The following SIL1 variants were observed in gnomAD, a reference collection of about 807,000 sequenced individuals.
The protein encoded by SIL1 is nucleotide exchange factor SIL1.
In SIL1, 40 loss-of-function variants were observed where a neutral mutation model predicts 49.1. That is an observed-to-expected ratio of 0.81 (90% CI 0.63 to 1.06). The LOEUF (loss-of-function observed/expected upper bound fraction) is 1.06. SIL1 is among the 50% of genes least tolerant of loss of function. The probability of loss-of-function intolerance (pLI) is 0.00; values close to 1 mark genes in which losing one functional copy is unlikely to be tolerated. For synonymous variants in SIL1, 253 were observed against 250.8 expected, an observed-to-expected ratio of 1.01 and a Z score of -0.08; for missense variants, 500 against 572.6, an observed-to-expected ratio of 0.87 and a Z score of 1.29.
chr5:139,139,326 G>A (rs1341187739), intron 1 of SIL1, among the ~76,000 whole-genome samples: 1 of 152,208 alleles, frequency 6.6e-6, no homozygotes, highest in African/African-American at 2.4e-5. Flanking sequence ...GGGGAGGAGA[G>A]ATCAGAATTC....
intron 3 of SIL1, among the ~76,000 whole-genome samples, chr5:139,075,489 T>TA (rs1323293310): frequency 1.3e-5 from 2 of 152,148 alleles, no homozygotes; most frequent in East Asian, 3.8e-4. Flanking sequence ...CTACTCCTAC[T>TA]AACTATGCAA....
intron 1 of SIL1, among the ~76,000 whole-genome samples, chr5:139,175,230 G>A (rs748378423): frequency 3.3e-5 from 5 of 152,132 alleles, no homozygotes; most frequent in East Asian, 1.9e-4. Context: ...GCTGAGGCAG[G>A]AGAATTGCTT....
At chr5:139,097,754 G>C (rs1770501842) in intron 3 of SIL1, among the ~76,000 whole-genome samples, 1 of 152,046 alleles carries the variant, frequency 6.6e-6, no homozygotes. Context: ...GGGATTACAG[G>C]AGAGAGCCAC....
chr5:139,145,082 T>C (rs1286320149), intron 1 of SIL1, among the ~76,000 whole-genome samples: 1 of 152,176 alleles, frequency 6.6e-6, no homozygotes, highest in Non-Finnish European at 1.5e-5. Flanking sequence ...ACAAAATATT[T>C]GCAAATCACA....
rs763236428 is a variant in SIL1, at chr5:139,068,372, C to T, written c.245-17326G>A. 1.9e-4 allele frequency among the ~76,000 whole-genome samples: 29 copies of T among 152,114 alleles called. 1 individual carries two copies. Among genetic ancestry groups the T allele is most frequent in the Admixed American group, 1.1e-3 (17 of 15,272 alleles). ...CTAACAGTGGACAAGGACAAGAAGT[C>T]TGGGGTAGGACTTCAAGGGGCCACA... On this transcript the variant is annotated intron_variant, in intron 3 of 9. Transcript: ENST00000394817.
chr5:139,131,438 G>A (rs1022098586), intron 1 of SIL1: 3 of 152,102 alleles, frequency 2.0e-5, no homozygotes, highest in African/African-American at 4.8e-5. Context: ...TCAGGGGTCG[G>A]AAGAAACTTT....
rs188166980 is a variant in SIL1 at position 139,167,204 on chromosome 5, C to G, written c.-11+31065G>C. ...TCCTGGGCTCAAGTAACCCCCACCC[C>G]CCGCCTCAGCCTCCCAAAGTGCTGA... On this transcript the variant is annotated intron_variant, in intron 1 of 9. Transcript: ENST00000394817. 6.4e-3 allele frequency among the ~76,000 whole-genome samples: 972 copies of G among 152,292 alleles called. 13 individuals carry two copies. Among genetic ancestry groups the G allele is most frequent in the African/African-American group, 0.022 (902 of 41,558 alleles).
intron 3 of SIL1, among the ~76,000 whole-genome samples, chr5:139,112,529 C>A (rs1179470417): frequency 6.6e-6 from 1 of 151,058 alleles, no homozygotes; most frequent in Non-Finnish European, 1.5e-5. Context: ...CGCCTCTGCC[C>A]GGCCGCCCCG....
intron 1 of SIL1, among the ~76,000 whole-genome samples, chr5:139,168,608 T>A (rs1319827841): frequency 7.4e-6 from 1 of 135,220 alleles, no homozygotes; most frequent in Non-Finnish European, 1.7e-5. Flanking sequence ...TCCTGGAGAT[T>A]TAAAGGGCCA....
intron 3 of SIL1, among the ~76,000 whole-genome samples, chr5:139,120,264 C>T (rs981980734): frequency 8.5e-5 from 13 of 152,218 alleles, no homozygotes; most frequent in African/African-American, 3.1e-4. Context: ...CAGCCAAGGA[C>T]AGCTAGGACT....
intron 7 of SIL1, among the ~76,000 whole-genome samples, chr5:139,018,866 A>G (rs1581034668): frequency 6.6e-6 from 1 of 152,256 alleles, no homozygotes; most frequent in East Asian, 1.9e-4. Flanking sequence ...GAGAACACCT[A>G]TTATTGTTCC....
At chr5:139,099,343 C>T (rs574467784) in intron 3 of SIL1, among the ~76,000 whole-genome samples, 5 of 152,184 alleles carry the variant, frequency 3.3e-5, no homozygotes, top group Admixed American at 3.3e-4. Flanking sequence ...ATGTAAATTA[C>T]TACACCACTA....
chr5:139,143,314 C>CATATAT (rs1561878662), intron 1 of SIL1, among the ~76,000 whole-genome samples: 1 of 61,588 alleles, frequency 1.6e-5, no homozygotes, highest in African/African-American at 6.2e-5. Flanking sequence ...TATACACACA[C>CATATAT]ACACACACAC....
chr5:139,047,291 G>A (rs957404157), intron 4 of SIL1, among the ~76,000 whole-genome samples: 3 of 152,220 alleles, frequency 2.0e-5, no homozygotes, highest in African/African-American at 7.2e-5. Context: ...AATAGCAAGT[G>A]GAAACCTGTT....
intron 7 of SIL1, among the ~76,000 whole-genome samples, chr5:138,975,864 C>A (rs1306587115): frequency 1.3e-5 from 2 of 152,204 alleles, no homozygotes; most frequent in Non-Finnish European, 2.9e-5. Flanking sequence ...CCAGTCAACA[C>A]CCTGCCTACA....
intron 7 of SIL1, among the ~76,000 whole-genome samples, chr5:138,973,152 T>G (rs1321884029): frequency 6.8e-6 from 1 of 146,326 alleles, no homozygotes; most frequent in Non-Finnish European, 1.5e-5. Context: ...GTGTAACATA[T>G]GTAACAAACC....
rs554711393 is a variant in SIL1 at position 139,166,225 on chromosome 5, T to C, written c.-11+32044A>G. 5.9e-5 allele frequency among the ~76,000 whole-genome samples: 9 copies of C among 152,360 alleles called. No individual in the cohort carries two copies. The East Asian group carries it at 1.5e-3, about 26-fold the overall frequency. On this transcript the variant is annotated intron_variant, in intron 1 of 9. Transcript: ENST00000394817. ...ATTTGTCTGATATAAATCAGAGTCATGTGCTGCACATTTCAGTCAACAACA... is the reference window on the plus strand; with the variant it reads ...ATTTGTCTGATATAAATCAGAGTCACGTGCTGCACATTTCAGTCAACAACA...
intron 3 of SIL1, among the ~76,000 whole-genome samples, chr5:139,068,639 G>C (rs1241652804): frequency 8.0e-6 from 1 of 124,782 alleles, no homozygotes; most frequent in Non-Finnish European, 1.6e-5. Context: ...TCTCAAGCTT[G>C]ACTCAGAATG....
intron 7 of SIL1, among the ~76,000 whole-genome samples, chr5:138,985,887 G>T (rs142159573): frequency 6.6e-6 from 1 of 152,172 alleles, no homozygotes; most frequent in Non-Finnish European, 1.5e-5. Flanking sequence ...AGTAGAGCCC[G>T]CTGATGAAGG....
Sources: gnomAD v4.1 joint callset for allele counts (sites outside exome capture counted in the v4.1 genomes callset) on GRCh38, gnomAD v4.1.1 for gene constraint, MANE v1.5 for transcripts, NCBI Gene and HGNC (gene_info 2026-07-23, HGNC 2026-07-21) for gene names.